ZBTB25: variants seen among roughly 807,000 people sequenced by gnomAD.
The protein encoded by ZBTB25 is zinc finger and BTB domain-containing protein 25.
ZBTB25 carries 20 observed loss-of-function variants against 34.2 expected under a neutral mutation model. The ratio of observed to expected loss-of-function variants is 0.58; its 90% CI spans 0.41 to 0.85. ZBTB25 has a LOEUF of 0.85. ZBTB25 is among the 40% of genes least tolerant of loss of function. The pLI, the probability that ZBTB25 is intolerant of heterozygous loss-of-function variation, is 0.00. For synonymous variants in ZBTB25, 175 were observed against 186.4 expected (o/e 0.94, Z 0.50); for missense variants, 437 against 521.8 (o/e 0.84, Z 1.58).
At chr14:64,457,965 A>C in intron 2 of ZBTB25, 1 of 577,780 alleles carries the variant, frequency 1.7e-6, no homozygotes, top group Non-Finnish European at 3.1e-6. Context: ...ATCATGGCTC[A>C]CTGTGGCCTC....
At chr14:64,493,361 T>G (rs545605055) in intron 1 of ZBTB25, among the ~76,000 whole-genome samples, 128 of 152,230 alleles carry the variant, frequency 8.4e-4, no homozygotes, top group Non-Finnish European at 1.5e-3. Flanking sequence ...ATTTCACTTA[T>G]AAAATATGGA....
chr14:64,461,744 C>T (rs1280931146), intron 2 of ZBTB25: 1 of 152,202 alleles, frequency 6.6e-6, no homozygotes, highest in Non-Finnish European at 1.5e-5. Context: ...TACAGGTTCG[C>T]ACCACCATGC....
Position 64,480,108 on chromosome 14 carries a change from G to C in ZBTB25, c.*6815C>G, listed in dbSNP as rs1393544345. ...GGAGGCTGAGGCAGGTGAATCACAA[G>C]GTCAGGAGTTCGAGACCAGCCTGGC... On this transcript the variant is annotated 3_prime_UTR_variant, in exon 3 of 3. Transcript: ENST00000608382. 1 of 177,878 alleles carries C rather than the reference G, an allele frequency of 5.6e-6. No individual in the cohort carries two copies. Among genetic ancestry groups the C allele is most frequent in the Non-Finnish European group, 1.2e-5 (1 of 82,878 alleles). 11.0% of individuals were successfully genotyped at this position (177,878 alleles called of 1,614,324 possible).
At chr14:64,475,039 A>G (rs978101200), downstream of ZBTB25, among the ~76,000 whole-genome samples, 14 of 152,220 alleles carry the variant, frequency 9.2e-5, no homozygotes, top group African/African-American at 3.4e-4. Flanking sequence ...TTAAAACTTG[A>G]TAATACCTTA....
At chr14:64,501,768 G>A (rs1690535878) in intron 1 of ZBTB25, among the ~76,000 whole-genome samples, 1 of 152,180 alleles carries the variant, frequency 6.6e-6, no homozygotes, top group Non-Finnish European at 1.5e-5. Context: ...TACGGCCAAG[G>A]CACCTCCTCC....
rs1427829861 is a variant in ZBTB25 at position 64,485,690 on chromosome 14, A to C, written c.*1233T>G. ...AAAAAAGTGAAAACTGTGCCACTGA[A>C]AAATTACTTTTTCAGTGATTTTTAG... On this transcript the variant is annotated 3_prime_UTR_variant, in exon 3 of 3. Transcript: ENST00000608382. 2.0e-6 allele frequency: 2 copies of C among 985,276 alleles called. No homozygotes were observed. The highest frequency in any genetic ancestry group is 3.5e-5 in the African/African-American group (2 of 57,220). The allele number at this position is 985,276 out of a possible 1,614,324, so 61.0% of individuals were successfully genotyped here. A position where few individuals can be genotyped will look rare whatever the true frequency, so the allele number is the denominator to read the frequency against.
downstream of ZBTB25, among the ~76,000 whole-genome samples, chr14:64,475,425 C>T (rs186148892): frequency 6.7e-6 from 1 of 149,992 alleles, no homozygotes; most frequent in East Asian, 2.0e-4. Context: ...GGCGACAAAG[C>T]GAGACTCTGT....
rs2078472521 is a variant in ZBTB25, at chr14:64,456,286, A to T, written c.174-6648T>A. Among the ~76,000 whole-genome samples, 3 of 152,220 alleles carry T rather than the reference A, an allele frequency of 2.0e-5. No homozygotes were observed. In the South Asian group the frequency reaches 6.2e-4, roughly 32 times the overall value. On this transcript the variant is annotated intron_variant, in intron 2 of 2. Coordinates refer to the ZBTB25 transcript ENST00000555220. ...TTAAGTTGGACCAAGGCGTTTCCAC[A>T]CATGATCAAATGGTTTAATCACTAT...
intron 1 of ZBTB25, among the ~76,000 whole-genome samples, chr14:64,496,542 T>G (rs2079283588): frequency 6.6e-6 from 1 of 152,164 alleles, no homozygotes; most frequent in African/African-American, 2.4e-5. Flanking sequence ...TAGGTTATAT[T>G]TATCAATATT....
At chr14:64,463,229 C>CACACACACAG (rs760347544) in intron 2 of ZBTB25, 18 of 102,684 alleles carry the variant, frequency 1.8e-4, no homozygotes, top group African/African-American at 7.9e-4. Context: ...ATACATTAAA[C>CACACACACAG]ACACACACAC....
At position 64,487,883 on chromosome 14, in the gene ZBTB25, T is replaced by G; in HGVS notation, c.348A>C (p.Gln116His). 1 of 1,614,226 alleles carries G rather than the reference T, an allele frequency of 6.2e-7. No individual in the cohort carries two copies. The highest frequency in any genetic ancestry group is 8.5e-7 in the Non-Finnish European group (1 of 1,180,030). The change falls in exon 3 of 3, where the codon CAA (glutamine) becomes CAC (histidine). Residue 116 changes from glutamine (Q) to histidine (H), a missense_variant. Gln to His is a conservative substitution (Grantham distance 24). Coordinates refer to ENST00000608382, the MANE Select transcript of ZBTB25 (RefSeq NM_006977.5). The stretch of plus-strand genomic sequence containing the variant: ...ACTGCACAGTCTCTGGTGAGAACAC[T>G]TGATTCATTTCAGTTGCAATGTGAG... ...YLSHIATEMN[Q>H]VFSPETVQSS...
chr14:64,477,593 C>T (rs1443879947), downstream of ZBTB25, among the ~76,000 whole-genome samples: 1 of 152,200 alleles, frequency 6.6e-6, no homozygotes, highest in African/African-American at 2.4e-5. Flanking sequence ...AACCTCTTCC[C>T]TTGCCTTTGC....
chr14:64,462,056 A>G (rs2078561875), intron 2 of ZBTB25: 1 of 152,138 alleles, frequency 6.6e-6, no homozygotes, highest in Non-Finnish European at 1.5e-5. Context: ...CAACAGCCAC[A>G]TGGGTTTAAA....
intron 2 of ZBTB25, among the ~76,000 whole-genome samples, chr14:64,450,637 G>A (rs1349907136): frequency 6.6e-6 from 1 of 152,178 alleles, no homozygotes; most frequent in Non-Finnish European, 1.5e-5. Context: ...TGGAAACTTT[G>A]TTAGGAATAT....
chr14:64,494,090 G>A (rs948225470), intron 1 of ZBTB25, among the ~76,000 whole-genome samples: 1 of 152,120 alleles, frequency 6.6e-6, no homozygotes, highest in Non-Finnish European at 1.5e-5. Context: ...AAAAAGCTAA[G>A]AATGAATCTT....
chr14:64,459,599 A>T lies in ZBTB25; in HGVS notation c.174-9961T>A, dbSNP rs571745862. 3.0e-4 allele frequency among the ~76,000 whole-genome samples: 45 copies of T among 152,376 alleles called. No homozygotes were observed. In the South Asian group the frequency reaches 9.3e-3, roughly 32 times the overall value. The stretch of plus-strand genomic sequence containing the variant: ...ATGGAAATACCATGCATCATTTTCA[A>T]GTCCATTTATGGACACGCCCTAGAA... On this transcript the variant is annotated intron_variant, in intron 2 of 2. Transcript: ENST00000555220.
upstream of ZBTB25, chr14:64,504,627 G>A (rs983422774): frequency 6.4e-6 from 2 of 312,528 alleles, no homozygotes; most frequent in African/African-American, 2.2e-5. Flanking sequence ...AGCAGCCAGC[G>A]GCAGAGTGGG....
chr14:64,465,313 G>C (rs1356027482), intron 2 of ZBTB25, among the ~76,000 whole-genome samples: 1 of 152,068 alleles, frequency 6.6e-6, no homozygotes, highest in Non-Finnish European at 1.5e-5. Context: ...CGCCCGGGCG[G>C]AGCACGATGG....
rs779487657 is a variant in ZBTB25, at chr14:64,485,402, C to A, written c.*1521G>T. The A allele has an allele frequency of 5.1e-6, 5 of 985,260 alleles. No individual in the cohort carries two copies. The African/African-American group carries it at 5.2e-5, about 10-fold the overall frequency. 61.0% of individuals were successfully genotyped at this position (985,260 alleles called of 1,614,324 possible). On this transcript the variant is annotated 3_prime_UTR_variant, in exon 3 of 3. Coordinates refer to ENST00000608382, the MANE Select transcript of ZBTB25 (RefSeq NM_006977.5). Reference sequence around the variant, plus strand: ...GTCTGTTTTATTATCCTTGACTATGCGGGGTTTGAAATTTAAACATTTCAG... The same window carrying A: ...GTCTGTTTTATTATCCTTGACTATGAGGGGTTTGAAATTTAAACATTTCAG...
Sources: gnomAD v4.1 joint callset for allele counts (sites outside exome capture counted in the v4.1 genomes callset) on GRCh38, gnomAD v4.1.1 for gene constraint, MANE v1.5 for transcripts, NCBI Gene and HGNC (gene_info 2026-07-23, HGNC 2026-07-21) for gene names.